Variants in NOX4 observed in about 807,000 individuals in gnomAD.
NOX4 encodes kidney oxidase-1.
In NOX4, 69 loss-of-function variants were observed where a neutral mutation model predicts 87.6. That is an observed-to-expected ratio of 0.79 (90% CI 0.65 to 0.96). The LOEUF (loss-of-function observed/expected upper bound fraction) is 0.96, where lower values mean the gene tolerates loss of function less well. Ranked by LOEUF, NOX4 falls within the 40% of genes least tolerant of loss-of-function variation. The pLI, the probability that NOX4 is intolerant of heterozygous loss-of-function variation, is 0.00. For synonymous variants in NOX4, 275 were observed against 238.2 expected (o/e 1.15, Z -1.42); for missense variants, 680 against 681.5 (o/e 1.00, Z 0.02).
the NOX4 span, among the ~76,000 whole-genome samples, chr11:89,569,862 C>T: frequency 2.6e-5 from 4 of 151,644 alleles, no homozygotes; most frequent in East Asian, 1.9e-4. Flanking sequence ...ATCAGCCAGG[C>T]GTGGTGGCGG....
intron 6 of NOX4, among the ~76,000 whole-genome samples, chr11:89,437,485 G>T (rs1389116259): frequency 6.6e-6 from 1 of 152,136 alleles, no homozygotes; most frequent in Non-Finnish European, 1.5e-5. Flanking sequence ...CACGCTTAGG[G>T]AGCCCTGTGT....
At chr11:89,326,919 A>G (rs1945243577) in intron 17 of NOX4, 43 bp from the exon 18 acceptor site, 1 of 1,603,728 alleles carries the variant, frequency 6.2e-7, no homozygotes, top group African/African-American at 1.3e-5. Flanking sequence ...GTGTAAAATT[A>G]GGCAGAACAT....
the NOX4 span, among the ~76,000 whole-genome samples, chr11:89,527,441 T>A: frequency 1.1e-4 from 16 of 152,178 alleles, no homozygotes; most frequent in South Asian, 2.7e-3. Flanking sequence ...AGAAATAATG[T>A]CTCCAGGGCA....
At chr11:89,508,769 G>A in the NOX4 span, among the ~76,000 whole-genome samples, 3 of 152,034 alleles carry the variant, frequency 2.0e-5, no homozygotes, top group African/African-American at 7.2e-5. Flanking sequence ...ACTTTCTCAG[G>A]TAGCTATAAT....
intron 2 of NOX4, among the ~76,000 whole-genome samples, chr11:89,465,029 G>A (rs988878720): frequency 6.6e-6 from 1 of 152,140 alleles, no homozygotes; most frequent in African/African-American, 2.4e-5. Flanking sequence ...TGGGCTACAT[G>A]TGCAGAACGT....
At chr11:89,557,687 C>G in the NOX4 span, among the ~76,000 whole-genome samples, 1 of 152,208 alleles carries the variant, frequency 6.6e-6, no homozygotes, top group Admixed American at 6.6e-5. Flanking sequence ...GTATTTCATG[C>G]TCCCTAAACT....
chr11:89,493,911 C>T (rs1399414890), upstream of NOX4, among the ~76,000 whole-genome samples: 2 of 152,010 alleles, frequency 1.3e-5, no homozygotes, highest in African/African-American at 4.8e-5. Context: ...TGTGCCAACC[C>T]GCCCAGCTAA....
At chr11:89,361,174 C>T (rs1427010909) in intron 12 of NOX4, among the ~76,000 whole-genome samples, 1 of 151,980 alleles carries the variant, frequency 6.6e-6, no homozygotes, top group Non-Finnish European at 1.5e-5. Flanking sequence ...GCACAATTCA[C>T]AACAATAAAG....
At chr11:89,567,184 C>T in the NOX4 span, among the ~76,000 whole-genome samples, 68,863 of 151,978 alleles carry the variant, frequency 0.45, 15,765 homozygotes, top group East Asian at 0.55. Flanking sequence ...TCCCCGGCCA[C>T]ACCCATTTGC....
the NOX4 span, among the ~76,000 whole-genome samples, chr11:89,539,734 C>T: frequency 6.6e-6 from 1 of 152,110 alleles, no homozygotes; most frequent in East Asian, 1.9e-4. Context: ...CTGATAGACT[C>T]CTAAGTCCTG....
the NOX4 span, among the ~76,000 whole-genome samples, chr11:89,569,203 G>A: frequency 0.013 from 1,993 of 150,082 alleles, 39 homozygotes; most frequent in African/African-American, 0.046. Context: ...AAACAAAAAT[G>A]GACAAGTAGG....
At chr11:89,366,847 T>C (rs534760694) in intron 12 of NOX4, among the ~76,000 whole-genome samples, 25 of 152,140 alleles carry the variant, frequency 1.6e-4, no homozygotes, top group Non-Finnish European at 3.1e-4. Context: ...TTTTTATATT[T>C]CTGTAGTATT....
Position 89,366,996 on chromosome 11 carries a change from T to A in NOX4, c.1135+6436A>T, listed in dbSNP as rs77501247. On this transcript the variant is annotated intron_variant, in intron 12 of 17. Coordinates refer to ENST00000263317, the MANE Select transcript of NOX4 (RefSeq NM_016931.5). ...AATTGTAGTACACATATAATGTGCC[T>A]CTCATTTTCCTGATAAAAAAATTTC... 1.6e-3 allele frequency among the ~76,000 whole-genome samples: 238 copies of A among 152,244 alleles called. No individual in the cohort carries two copies. The East Asian group carries it at 0.043, about 27-fold the overall frequency.
At chr11:89,486,398 ATCC>A (rs1376868452) in intron 2 of NOX4, among the ~76,000 whole-genome samples, 1 of 147,784 alleles carries the variant, frequency 6.8e-6, no homozygotes. Context: ...GGCTCAAGCA[ATCC>A]TCCTGCCTCA....
At chr11:89,386,616 T>A (rs1250604597) in intron 11 of NOX4, among the ~76,000 whole-genome samples, 3 of 152,150 alleles carry the variant, frequency 2.0e-5, no homozygotes, top group Admixed American at 6.6e-5. Context: ...CTTAAACAAT[T>A]GCTGGCTTTG....
the NOX4 span, among the ~76,000 whole-genome samples, chr11:89,562,882 C>T: frequency 6.6e-6 from 1 of 152,074 alleles, no homozygotes; most frequent in Admixed American, 6.6e-5. Context: ...GAGGGAGGGA[C>T]CTGGTGGGAG....
upstream of NOX4, among the ~76,000 whole-genome samples, chr11:89,501,567 G>A (rs771420901): frequency 4.6e-5 from 7 of 152,070 alleles, no homozygotes; most frequent in Non-Finnish European, 8.8e-5. Context: ...CTAAGGGTCT[G>A]AAAGAATTTT....
chr11:89,569,380 T>TA, the NOX4 span, among the ~76,000 whole-genome samples: 4 of 151,760 alleles, frequency 2.6e-5, no homozygotes, highest in South Asian at 4.2e-4. Context: ...ATAACCCTAT[T>TA]AAAAAAATGG....
At chr11:89,391,002 A>G (rs1941081592) in intron 11 of NOX4, among the ~76,000 whole-genome samples, 1 of 152,136 alleles carries the variant, frequency 6.6e-6, no homozygotes, top group Non-Finnish European at 1.5e-5. Flanking sequence ...AGACTGTGCT[A>G]TAAAGAGATG....
Sources: gnomAD v4.1 joint callset for allele counts (sites outside exome capture counted in the v4.1 genomes callset) on GRCh38, gnomAD v4.1.1 for gene constraint, MANE v1.5 for transcripts, NCBI Gene and HGNC (gene_info 2026-07-23, HGNC 2026-07-21) for gene names.